Variants in C6orf120 observed in about 807,000 individuals in gnomAD.
The protein encoded by C6orf120 is chromosome 6 open reading frame 120.
For synonymous variants in C6orf120, 165 were observed against 123.1 expected, an observed-to-expected ratio of 1.34 and a Z score of -2.25; for missense variants, 311 against 264.2, an observed-to-expected ratio of 1.18 and a Z score of -1.23.
chr6:169,702,173 C>T (rs762075813), upstream of C6orf120: 50 of 649,044 alleles, frequency 7.7e-5, no homozygotes, highest in Middle Eastern at 2.4e-4. Context: ...ATGTATAAAG[C>T]GCGGCCCCCT....
rs377368563 is a variant in C6orf120 at position 169,702,272 on chromosome 6, G to C, written c.-188G>C. Reference sequence around the variant, plus strand: ...TGAGTGGGCGCCGCGCTACGGGGGAGGGGTTAACCCACCCCTCCTCCCCGG... The same window carrying C: ...TGAGTGGGCGCCGCGCTACGGGGGACGGGTTAACCCACCCCTCCTCCCCGG... On this transcript the variant is annotated 5_prime_UTR_variant, in exon 1 of 1. Coordinates refer to ENST00000332290, the Ensembl canonical transcript of C6orf120. The C allele has an allele frequency of 1.1e-4, 78 of 690,380 alleles. No individual in the cohort carries two copies. In the East Asian group the frequency reaches 1.4e-3, roughly 12 times the overall value. The allele number at this position is 690,380 out of a possible 1,614,324, so 42.8% of individuals were successfully genotyped here.
upstream of C6orf120, chr6:169,702,156 G>C (rs1316501362): frequency 4.8e-6 from 3 of 624,584 alleles, no homozygotes; most frequent in Non-Finnish European, 8.9e-6. Flanking sequence ...TCCGGCCTCG[G>C]GTCCGGATGT....
exon 1 of C6orf120, chr6:169,704,245 A>G: frequency 1.8e-6 from 1 of 557,748 alleles, no homozygotes; most frequent in Non-Finnish European, 3.1e-6. Flanking sequence ...TAAGGAAAAA[A>G]TGTAAACTTA....
At chr6:169,702,926 C>T (rs868807973) in exon 1 of C6orf120, 2 of 1,612,336 alleles carry the variant, frequency 1.2e-6, no homozygotes, top group Non-Finnish European at 8.5e-7. Context: ...GGCGCAGATG[C>T]CGGCCAGAAG....
downstream of C6orf120, chr6:169,705,345 G>A (rs755382273): frequency 6.6e-6 from 10 of 1,523,378 alleles, no homozygotes; most frequent in Admixed American, 2.0e-5. Context: ...AGTATTAGTG[G>A]TATCTCACAT....
exon 1 of C6orf120, chr6:169,704,465 G>A: frequency 4.9e-6 from 1 of 203,274 alleles, no homozygotes; most frequent in Non-Finnish European, 1.1e-5. Flanking sequence ...TGTCTTAACA[G>A]CATTCTTTCA....
At chr6:169,703,868 C>A in exon 1 of C6orf120, 1 of 666,812 alleles carries the variant, frequency 1.5e-6, no homozygotes, top group Non-Finnish European at 2.5e-6. Context: ...GTAAGCGTAG[C>A]TTTTAACAGA....
downstream of C6orf120, chr6:169,705,038 G>A: frequency 5.7e-6 from 5 of 871,060 alleles, no homozygotes; most frequent in Non-Finnish European, 8.8e-6. Flanking sequence ...GAGTCCACAA[G>A]CTCTTCATGT....
downstream of C6orf120, chr6:169,705,739 G>A (rs1328142959): frequency 4.8e-6 from 6 of 1,238,762 alleles, no homozygotes; most frequent in African/African-American, 8.9e-5. Flanking sequence ...AAGGGTAGAA[G>A]AGGGCTATAA....
exon 1 of C6orf120, chr6:169,702,782 C>T (rs780317710): frequency 6.2e-6 from 10 of 1,613,094 alleles, no homozygotes; most frequent in African/African-American, 2.7e-5. Flanking sequence ...TCCATCCCCG[C>T]GCACTTCCGG....
chr6:169,703,917 A>T lies in C6orf120; in HGVS notation c.*882A>T, dbSNP rs182069716. The T allele has an allele frequency of 5.2e-5, 59 of 1,130,656 alleles. 1 individual carries two copies. Among genetic ancestry groups the T allele is most frequent in the Admixed American group, 1.5e-4 (5 of 32,300 alleles). The allele number at this position is 1,130,656 out of a possible 1,614,324, so 70.0% of individuals were successfully genotyped here. ...TTTAAGCTCATAATTTGCAAAAAAA[A>T]TCTTTTATTGGCATGAAAATAATGT... On this transcript the variant is annotated 3_prime_UTR_variant, in exon 1 of 1. Transcript: ENST00000332290.
chr6:169,702,426 C>G (rs1376323874), exon 1 of C6orf120: 1 of 1,344,798 alleles, frequency 7.4e-7, no homozygotes, highest in African/African-American at 1.4e-5. Flanking sequence ...GCAGCACTGA[C>G]CCACTTGCAG....
chr6:169,706,032 G>A (rs1269612645), downstream of C6orf120, among the ~76,000 whole-genome samples: 1 of 152,126 alleles, frequency 6.6e-6, no homozygotes, highest in African/African-American at 2.4e-5. Flanking sequence ...AATGTCAAAT[G>A]TCACTATTAA....
chr6:169,705,376 G>A, downstream of C6orf120: 1 of 1,253,716 alleles, frequency 8.0e-7, no homozygotes, highest in East Asian at 2.3e-5. Flanking sequence ...AACTTAATAT[G>A]GCACATAAAA....
chr6:169,702,622 A>G, exon 1 of C6orf120: 1 of 1,613,360 alleles, frequency 6.2e-7, no homozygotes, highest in Non-Finnish European at 8.5e-7. Context: ...CGGGAACTAC[A>G]GCTACCTGCG....
exon 1 of C6orf120, chr6:169,704,786 T>C (rs757052767): frequency 5.8e-5 from 11 of 189,370 alleles, no homozygotes; most frequent in Admixed American, 1.3e-4. Flanking sequence ...TAGATTTCTA[T>C]AGAAATGTAT....
exon 1 of C6orf120, chr6:169,704,177 A>T: frequency 1.1e-6 from 1 of 897,426 alleles, no homozygotes; most frequent in Non-Finnish European, 1.6e-6. Context: ...CTTAGCTATC[A>T]CTAATGATAT....
At chr6:169,703,766 T>C in exon 1 of C6orf120, 1 of 508,084 alleles carries the variant, frequency 2.0e-6, no homozygotes, top group Non-Finnish European at 3.5e-6. Flanking sequence ...TATCTTAAGT[T>C]ACTAAACATT....
chr6:169,703,539 T>A (rs892376687), exon 1 of C6orf120: 3 of 198,476 alleles, frequency 1.5e-5, no homozygotes, highest in African/African-American at 7.2e-5. Flanking sequence ...AAGGATTTCC[T>A]GGCAGGCAGG....
Sources: gnomAD v4.1 joint callset for allele counts (sites outside exome capture counted in the v4.1 genomes callset) on GRCh38, gnomAD v4.1.1 for gene constraint, MANE v1.5 for transcripts, NCBI Gene and HGNC (gene_info 2026-07-23, HGNC 2026-07-21) for gene names.